SLC19A1: variants seen among roughly 807,000 people sequenced by gnomAD.
SLC19A1 encodes reduced folate transporter.
In SLC19A1, 37 loss-of-function variants were observed where a neutral mutation model predicts 35.3. The observed-to-expected ratio is 1.05, with a 90% CI of 0.81 to 1.38. The LOEUF (loss-of-function observed/expected upper bound fraction) is 1.38. Ranked by LOEUF, SLC19A1 falls within the 40% of genes most tolerant of loss-of-function variation. The pLI is 0.00. For missense variants in SLC19A1, 831 were observed against 826.9 expected, an observed-to-expected ratio of 1.00 and a Z score of -0.06; for synonymous variants, 460 against 398.5, an observed-to-expected ratio of 1.15 and a Z score of -1.84.
At position 45,525,858 on chromosome 21, in the gene SLC19A1, C is replaced by A; in HGVS notation, c.1252G>T (p.Val418Phe). The A allele has an allele frequency of 6.2e-7, 1 of 1,613,530 alleles. No homozygotes were observed. The highest frequency in any genetic ancestry group is 8.5e-7 in the Non-Finnish European group (1 of 1,179,988). ...AGGCCCAGGCCCCGCACGTCCGAGA[C>A]AATGAAAGTGATGATGGTCTTGACG... is the stretch of plus-strand genomic sequence containing the variant. ...TIVKTIITFI[V>F]SDVRGLGLPV... Residue 418 changes from valine (V) to phenylalanine (F), a missense_variant, in exon 5 of 6, where the codon GTC becomes TTC. Transcript: ENST00000311124.
rs73372904 is a variant in SLC19A1 at position 45,517,295 on chromosome 21, C to T, written c.1294-1155G>A. On this transcript the variant is annotated intron_variant, in intron 5 of 5. Coordinates refer to ENST00000311124, the MANE Select transcript of SLC19A1 (RefSeq NM_194255.4). The surrounding 1 kb of genome is among the most constrained non-coding windows in gnomAD (Gnocchi z 4.4). ...CAGCCCAACATGAGGAAAGACCTTT[C>T]GACAGGAATCGCCCTGCTCCCCGCA... Among the ~76,000 whole-genome samples, 3,835 of 152,272 alleles carry T rather than the reference C, an allele frequency of 0.025. 173 individuals carry two copies. The highest frequency in any genetic ancestry group is 0.088 in the African/African-American group (3,646 of 41,532).
At chr21:45,526,460 G>C (rs555419555) in intron 4 of SLC19A1, among the ~76,000 whole-genome samples, 1 of 152,276 alleles carries the variant, frequency 6.6e-6, no homozygotes, top group African/African-American at 2.4e-5. Flanking sequence ...TGTGCATGAA[G>C]AAACTTTTGA....
downstream of SLC19A1, chr21:45,512,334 CGAGCTG>C: frequency 2.5e-6 from 4 of 1,612,656 alleles, no homozygotes; most frequent in Non-Finnish European, 3.4e-6. Context: ...CAGAGTGCCG[CGAGCTG>C]CCATCACGCC....
downstream of SLC19A1, chr21:45,512,398 G>A (rs1331734889): frequency 1.2e-6 from 2 of 1,612,198 alleles, no homozygotes; most frequent in Non-Finnish European, 8.5e-7. Context: ...CCTCCAAGTA[G>A]CCACCGCCTG....
intron 5 of SLC19A1, 30 bp from the exon 6 acceptor site, chr21:45,516,170 G>A (rs2037927596): frequency 6.4e-7 from 1 of 1,566,506 alleles, no homozygotes; most frequent in Non-Finnish European, 8.7e-7. Context: ...GAGGCGGGTG[G>A]GGAGGGCCTG....
chr21:45,545,979 C>T (rs1023143522), upstream of SLC19A1, among the ~76,000 whole-genome samples: 3 of 152,228 alleles, frequency 2.0e-5, no homozygotes, highest in African/African-American at 7.2e-5. Flanking sequence ...TCCCGCCAGG[C>T]CTTCGCCCCC....
chr21:45,543,156 A>T, upstream of SLC19A1, among the ~76,000 whole-genome samples: 1 of 152,130 alleles, frequency 6.6e-6, no homozygotes, highest in East Asian at 1.9e-4. Flanking sequence ...GGCCTCGCAG[A>T]CGGCAGCGCA....
chr21:45,548,513 G>A (rs998994686), upstream of SLC19A1, among the ~76,000 whole-genome samples: 1 of 152,176 alleles, frequency 6.6e-6, no homozygotes, highest in Admixed American at 6.5e-5. Flanking sequence ...GGAGGCCGAG[G>A]CAGGTTGGTC....
chr21:45,516,546 T>C (rs1296687195), intron 5 of SLC19A1, among the ~76,000 whole-genome samples: 1 of 152,162 alleles, frequency 6.6e-6, no homozygotes, highest in Non-Finnish European at 1.5e-5. Flanking sequence ...CCACAGCAGG[T>C]GACCAGGAGC....
downstream of SLC19A1, among the ~76,000 whole-genome samples, chr21:45,507,810 C>T (rs1244191259): frequency 2.0e-5 from 3 of 152,230 alleles, no homozygotes; most frequent in South Asian, 4.1e-4. Context: ...GCTGGCCTCA[C>T]GAGGGAGCCC....
chr21:45,521,730 T>C (rs7278430), intron 5 of SLC19A1, among the ~76,000 whole-genome samples: 1,623 of 152,306 alleles, frequency 0.011, 21 homozygotes, highest in African/African-American at 0.034. Flanking sequence ...GCCCAACTTT[T>C]GACAAAGGTG....
At chr21:45,543,035 G>C (rs561532241), upstream of SLC19A1, among the ~76,000 whole-genome samples, 2 of 152,080 alleles carry the variant, frequency 1.3e-5, no homozygotes, top group Non-Finnish European at 1.5e-5. Flanking sequence ...CCGCCCTCCT[G>C]CCTGACCGTG....
upstream of SLC19A1, among the ~76,000 whole-genome samples, chr21:45,549,050 T>C (rs1488244894): frequency 2.0e-5 from 3 of 152,196 alleles, no homozygotes; most frequent in Admixed American, 6.5e-5. Context: ...GTTGAAGAGA[T>C]GTGAATGCAT....
chr21:45,526,488 TC>T (rs59679723), intron 4 of SLC19A1, among the ~76,000 whole-genome samples: 4,812 of 152,314 alleles, frequency 0.032, 262 homozygotes, highest in African/African-American at 0.11. Flanking sequence ...CTGAGACTCG[TC>T]AAACAAGGTC....
chr21:45,507,637 A>C (rs748013790), downstream of SLC19A1: 4 of 1,571,590 alleles, frequency 2.5e-6, no homozygotes, highest in Admixed American at 3.4e-5. Context: ...TGGTCAGGAC[A>C]TGAGGGGGTA....
Position 45,533,842 on chromosome 21 carries a change from G to A in SLC19A1, c.190-1694C>T, listed in dbSNP as rs76790580. Among the ~76,000 whole-genome samples the A allele has an allele frequency of 5.2e-3, 793 of 152,280 alleles. 10 individuals are homozygous for A. Among genetic ancestry groups the A allele is most frequent in the African/African-American group, 0.018 (753 of 41,554 alleles). On this transcript the variant is annotated intron_variant, in intron 2 of 5. Coordinates refer to ENST00000311124, the MANE Select transcript of SLC19A1 (RefSeq NM_194255.4). This position sits in a 1 kb window ranked among gnomAD's most constrained non-coding sequence, Gnocchi z 4.5. ...CTCGTGTCTGGCACACCCAAGATGTGTGGCCCGATGTGCTCAGAGCCCGGC... is the reference window on the plus strand; with the variant it reads ...CTCGTGTCTGGCACACCCAAGATGTATGGCCCGATGTGCTCAGAGCCCGGC...
chr21:45,514,813 G>A lies in SLC19A1; in HGVS notation c.*845C>T. 2 of 554,414 alleles carry A rather than the reference G, an allele frequency of 3.6e-6. No individual in the cohort carries two copies. Among genetic ancestry groups the A allele is most frequent in the East Asian group, 6.6e-5 (2 of 30,532 alleles). 34.3% of individuals were successfully genotyped at this position (554,414 alleles called of 1,614,324 possible). ...GGCACTAGCGCTCCTTAGACCCTGA[G>A]GCCGCTGGGACGTACTTCCCCAGCG... On this transcript the variant is annotated 3_prime_UTR_variant, in exon 6 of 6. Transcript: ENST00000311124.
At position 45,512,765 on chromosome 21, in the gene SLC19A1, T is replaced by TCTG; in HGVS notation, c.*2892_*2893insCAG. The TCTG allele has an allele frequency of 2.7e-6, 1 of 365,224 alleles. No individual in the cohort carries two copies. Among genetic ancestry groups the TCTG allele is most frequent in the African/African-American group, 2.1e-5 (1 of 47,818 alleles). The allele number at this position is 365,224 out of a possible 1,614,324, so 22.6% of individuals were successfully genotyped here. A position where few individuals can be genotyped will look rare whatever the true frequency, so the allele number is the denominator to read the frequency against. On this transcript the variant is annotated 3_prime_UTR_variant, in exon 6 of 6. Coordinates refer to ENST00000311124, the MANE Select transcript of SLC19A1 (RefSeq NM_194255.4). ...CGTGCTCGCCCCAGCAGGTGCTGAC[T>TCTG]TCATCTCCCACCTAGCAGCACCGTT...
Position 45,515,280 on chromosome 21 carries a change from C to T in SLC19A1, c.*378G>A. On this transcript the variant is annotated 3_prime_UTR_variant, in exon 6 of 6. Coordinates refer to ENST00000311124, the MANE Select transcript of SLC19A1 (RefSeq NM_194255.4). The stretch of plus-strand genomic sequence containing the variant: ...ACCCTGCCCTAGAGGGCTCACAACT[C>T]CTGTGGGGCCAGTGTCCCCTGAGCT... 6.7e-7 allele frequency: 1 copy of T among 1,483,322 alleles called. No individual in the cohort carries two copies. The highest frequency in any genetic ancestry group is 1.3e-5 in the South Asian group (1 of 74,870). 91.9% of individuals were successfully genotyped at this position (1,483,322 alleles called of 1,614,324 possible).
Sources: allele counts gnomAD v4.1 joint callset (sites outside exome capture counted in the v4.1 genomes callset), GRCh38; gene constraint gnomAD v4.1.1; non-coding constraint Gnocchi (gnomAD v3.1); transcripts MANE v1.5; gene names NCBI Gene and HGNC (gene_info 2026-07-23, HGNC 2026-07-21).